The following SF3A1 variants were observed in gnomAD, a reference collection of about 807,000 sequenced individuals.
SF3A1 encodes the protein splicing factor 3a subunit 1.
A neutral mutation model predicts 89.9 loss-of-function variants in SF3A1; 13 were observed. The observed-to-expected ratio is 0.14, with a 90% CI of 0.09 to 0.23. The LOEUF (loss-of-function observed/expected upper bound fraction) is 0.23, where lower values mean the gene tolerates loss of function less well. Ranked by LOEUF, SF3A1 falls within the 10% of genes least tolerant of loss-of-function variation. The pLI is 1.00. For synonymous variants in SF3A1, 405 were observed against 374.4 expected (o/e 1.08, Z -0.94); for missense variants, 604 against 1,022.1 (o/e 0.59, Z 5.58).
At chr22:30,336,755 T>C (rs111638203) in intron 13 of SF3A1, among the ~76,000 whole-genome samples, 31 of 152,280 alleles carry the variant, frequency 2.0e-4, no homozygotes, top group African/African-American at 7.2e-4. Flanking sequence ...TGGGTCTCCC[T>C]GTTGGCCTCT....
Position 30,345,126 on chromosome 22 carries a change from A to G in SF3A1, c.458T>C (p.Ile153Thr), listed in dbSNP as rs372761416. The G allele has an allele frequency of 1.1e-5, 18 of 1,614,110 alleles. No homozygotes were observed. Among genetic ancestry groups the G allele is most frequent in the Middle Eastern group, 1.6e-4 (1 of 6,084 alleles). ...PKEPPPEFEF[I>T]ADPPSISAFD... ...GGCTGAGATAGAGGGAGGATCAGCA[A>G]TGAACTCAAACTCAGGAGGAGGCTC... The change falls in exon 4 of 16, where the codon ATT (isoleucine) becomes ACT (threonine). Residue 153 changes from isoleucine to threonine, a missense_variant. Ile to Thr is a moderately conservative substitution (Grantham distance 89). Around this residue, in one of 9 missense-constraint regions of SF3A1, gnomAD observed 162 missense variants for 229.2 expected, o/e 0.71. Coordinates refer to ENST00000215793, the MANE Select transcript of SF3A1 (RefSeq NM_005877.6).
rs1931697126 is a variant in SF3A1, at chr22:30,354,465, T to A, written c.64-1393A>T. On this transcript the variant is annotated intron_variant, in intron 1 of 15. Coordinates refer to ENST00000215793, the MANE Select transcript of SF3A1 (RefSeq NM_005877.6). Reference sequence around the variant, plus strand: ...TGCTCACCATTCCATTCAAGTTTCCTTCCTGACCCGTTTCACCTCCTGCAC... The same window carrying A: ...TGCTCACCATTCCATTCAAGTTTCCATCCTGACCCGTTTCACCTCCTGCAC... Among the ~76,000 whole-genome samples, 3 of 152,194 alleles carry A rather than the reference T, an allele frequency of 2.0e-5. No individual in the cohort carries two copies. The South Asian group carries it at 6.2e-4, about 31-fold the overall frequency.
At chr22:30,348,930 T>C (rs2145818052) in intron 2 of SF3A1, among the ~76,000 whole-genome samples, 1 of 152,358 alleles carries the variant, frequency 6.6e-6, no homozygotes, top group South Asian at 2.1e-4. Context: ...CTTGGCATGT[T>C]CATTCCAAGC....
In SF3A1 at chr22:30,356,870, C is replaced by A; in HGVS notation, c.-78G>T. ...CCTCAAGACAGCCTCCCCGCTCGGT[C>A]AGTACGACGAGCTCGCAAGATGGCG... On this transcript the variant is annotated 5_prime_UTR_variant, in exon 1 of 16. Transcript: ENST00000215793. The A allele has an allele frequency of 3.3e-6, 4 of 1,195,284 alleles. No homozygotes were observed. Among genetic ancestry groups the A allele is most frequent in the South Asian group, 5.6e-5 (2 of 35,416 alleles). 74.0% of individuals were successfully genotyped at this position (1,195,284 alleles called of 1,614,324 possible). A position where few individuals can be genotyped will look rare whatever the true frequency, so the allele number is the denominator to read the frequency against.
intron 1 of SF3A1, among the ~76,000 whole-genome samples, chr22:30,355,348 CT>C (rs1304676007): frequency 6.6e-6 from 1 of 152,170 alleles, no homozygotes; most frequent in Non-Finnish European, 1.5e-5. Flanking sequence ...GATGACAAAA[CT>C]GAGAGATGGA....
intron 13 of SF3A1, 72 bp from the exon 14 acceptor site, chr22:30,335,825 A>C: frequency 1.6e-6 from 2 of 1,237,968 alleles, no homozygotes; most frequent in Non-Finnish European, 1.2e-6. Flanking sequence ...TGCTATCCCT[A>C]GGCCTGTCCA....
rs1277556703 is a variant in SF3A1, at chr22:30,346,206, T to C, written c.393+106A>G. The C allele has an allele frequency of 1.3e-5, 10 of 795,934 alleles. No homozygotes were observed. In the South Asian group the frequency reaches 1.6e-4, roughly 13 times the overall value. 49.3% of individuals were successfully genotyped at this position (795,934 alleles called of 1,614,324 possible). On this transcript the variant is annotated intron_variant, in intron 3 of 15. Coordinates refer to ENST00000215793, the MANE Select transcript of SF3A1 (RefSeq NM_005877.6). ...GAGAGATGGGGATAACGACCTCACT[T>C]CTCTCCCTGGGTGGTTGTGAGATTT...
rs1180030883 is a variant in SF3A1, at chr22:30,332,289, A to G, written c.*2305T>C. The G allele has an allele frequency of 6.6e-6, 1 of 152,224 alleles. No individual in the cohort carries two copies. Among genetic ancestry groups the G allele is most frequent in the East Asian group, 1.9e-4 (1 of 5,188 alleles). 9.4% of individuals were successfully genotyped at this position (152,224 alleles called of 1,614,324 possible). A position where few individuals can be genotyped will look rare whatever the true frequency, so the allele number is the denominator to read the frequency against. On this transcript the variant is annotated 3_prime_UTR_variant, in exon 16 of 16. Coordinates refer to ENST00000215793, the MANE Select transcript of SF3A1 (RefSeq NM_005877.6). ...TACTTAAGTAGTGGGTAGAACTGAA[A>G]GTGAAATTCCTTAATGTCTACAATT...
chr22:30,342,451 G>T lies in SF3A1; in HGVS notation c.727-101C>A. ...TTCATCAAAGTCAGCGCCTCCTTCG[G>T]AACAGAATGGAAGTATGGTTCCAAA... On this transcript the variant is annotated intron_variant, in intron 5 of 15. Transcript: ENST00000215793. 3.1e-6 allele frequency: 4 copies of T among 1,282,696 alleles called. No homozygotes were observed. In the East Asian group the frequency reaches 1.0e-4, roughly 32 times the overall value. 79.5% of individuals were successfully genotyped at this position (1,282,696 alleles called of 1,614,324 possible).
chr22:30,334,718 T>C (rs767459910), intron 15 of SF3A1, 23 bp from the exon 16 acceptor site: 7 of 1,561,368 alleles, frequency 4.5e-6, no homozygotes, highest in Non-Finnish European at 6.1e-6. Context: ...CAGCGTGCCT[T>C]AGCATGGGGC....
chr22:30,340,910 C>G (rs1301889161), intron 7 of SF3A1, 98 bp from the exon 8 acceptor site: 7 of 753,502 alleles, frequency 9.3e-6, no homozygotes, highest in Non-Finnish European at 1.6e-5. Context: ...GCCTTGGCCT[C>G]TGCCAGCCAG....
At chr22:30,352,755 T>C (rs1931640881) in intron 2 of SF3A1, 196 bp downstream of exon 2, 4 of 510,644 alleles carry the variant, frequency 7.8e-6, no homozygotes, top group East Asian at 3.3e-5. Context: ...CTAAGTGTGA[T>C]TCTCACTTTG....
At chr22:30,351,665 T>C (rs1051856991) in intron 2 of SF3A1, among the ~76,000 whole-genome samples, 1 of 152,162 alleles carries the variant, frequency 6.6e-6, no homozygotes, top group Non-Finnish European at 1.5e-5. Flanking sequence ...CACAGCCAGA[T>C]AACTTTTTAT....
chr22:30,342,872 A>C lies in SF3A1; in HGVS notation c.659T>G (p.Ile220Ser). The C allele has an allele frequency of 6.2e-7, 1 of 1,610,548 alleles. No homozygotes were observed. The highest frequency in any genetic ancestry group is 1.1e-5 in the South Asian group (1 of 90,992). ...CTTTGAAAATAAACCTTTGGGTGGA[A>C]TCAAGATCTGAAATACAGAAGAGTT... ...KLVEQYTKIL[I>S]PPKGLFSKLK... The change falls in exon 5 of 16, where the codon ATT becomes AGT. Residue 220 changes from isoleucine (I) to serine (S), a missense_variant. Physicochemically the swap from Ile to Ser is moderately radical, Grantham distance 142. Transcript: ENST00000215793.
intron 6 of SF3A1, 91 bp from the exon 7 acceptor site, chr22:30,341,976 T>C: frequency 7.4e-7 from 1 of 1,348,586 alleles, no homozygotes; most frequent in Non-Finnish European, 1.0e-6. Context: ...GCCATGTCTG[T>C]TTTCTCTCCA....
chr22:30,346,338 TCTG>T lies in SF3A1; in HGVS notation c.364_366del (p.Gln122del), dbSNP rs753907540. 5.0e-5 allele frequency: 80 copies of T among 1,598,726 alleles called. No homozygotes were observed. The highest frequency in any genetic ancestry group is 6.7e-5 in the African/African-American group (5 of 74,566). ...TTCTGGGGCAGCTGCTGCTGGGTGG[TCTG>T]CTGCTGCTGCTGCATGACCTTGGGG... On this transcript the variant is annotated inframe_deletion, in exon 3 of 16. Coordinates refer to ENST00000215793, the MANE Select transcript of SF3A1 (RefSeq NM_005877.6).
chr22:30,338,022 G>T, intron 11 of SF3A1, 125 bp from the exon 12 acceptor site: 1 of 741,522 alleles, frequency 1.3e-6, no homozygotes, highest in Non-Finnish European at 2.4e-6. Context: ...CTGGCCCCCT[G>T]GGACTGAGAA....
chr22:30,337,716 C>CGGGGGGGGG lies in SF3A1; in HGVS notation c.1924_1925insCCCCCCCCC (p.Pro641_Arg642insProProPro). The CGGGGGGGGG allele has an allele frequency of 7.6e-7, 1 of 1,323,358 alleles. No individual in the cohort carries two copies. Among genetic ancestry groups the CGGGGGGGGG allele is most frequent in the Non-Finnish European group, 9.8e-7 (1 of 1,019,740 alleles). 82.0% of individuals were successfully genotyped at this position (1,323,358 alleles called of 1,614,324 possible). Reference sequence around the variant, plus strand: ...TGTTGGCACAATCATGGGGGGTGGGCGGGGGGCCATAATAGGAGGGGCCGA... The same window carrying CGGGGGGGGG: ...TGTTGGCACAATCATGGGGGGTGGGCGGGGGGGGGGGGGGGCCATAATAGGAGGGGCCGA... On this transcript the variant is annotated inframe_insertion, in exon 12 of 16. Transcript: ENST00000215793.
In SF3A1 at chr22:30,337,680, A is replaced by G. The variant is rs1180319238; in HGVS notation, c.1951+10T>C. On this transcript the variant is annotated intron_variant, in intron 12 of 15. Transcript: ENST00000215793. ...CTAATGGCCTGGAAAATGATGCAAG[A>G]GATACTGACCTGTTGGCACAATCAT... The G allele has an allele frequency of 3.3e-6, 3 of 897,640 alleles. No homozygotes were observed. The highest frequency in any genetic ancestry group is 3.2e-6 in the Non-Finnish European group (2 of 626,530). 55.6% of individuals were successfully genotyped at this position (897,640 alleles called of 1,614,324 possible). A position where few individuals can be genotyped will look rare whatever the true frequency, so the allele number is the denominator to read the frequency against.
Sources: allele counts gnomAD v4.1 joint callset (sites outside exome capture counted in the v4.1 genomes callset), GRCh38; gene constraint gnomAD v4.1.1; regional missense constraint gnomAD v4.1.1; transcripts MANE v1.5; gene names NCBI Gene and HGNC (gene_info 2026-07-23, HGNC 2026-07-21).